Variants in MEGF8 observed in about 807,000 individuals in gnomAD.
MEGF8 encodes the protein multiple epidermal growth factor-like domains protein 8.
Under a neutral mutation model 302.9 loss-of-function variants are expected in MEGF8, and 156 were observed. That is an observed-to-expected ratio of 0.52 (90% CI 0.45 to 0.59). The LOEUF (loss-of-function observed/expected upper bound fraction) is 0.59. Among genes scored for constraint, MEGF8 ranks in the 20% least tolerant of loss-of-function variants. The probability of loss-of-function intolerance (pLI) is 0.00; values close to 1 mark genes in which losing one functional copy is unlikely to be tolerated. For synonymous variants in MEGF8, 1,621 were observed against 1,660.5 expected (o/e 0.98, Z 0.58); for missense variants, 3,345 against 3,964.5 (o/e 0.84, Z 4.20).
chr19:42,347,492 A>AT lies in MEGF8; in HGVS notation c.2098-772dup, dbSNP rs200218580. Among the ~76,000 whole-genome samples the AT allele has an allele frequency of 4.6e-3, 690 of 149,296 alleles. 7 individuals are homozygous for AT. The highest frequency in any genetic ancestry group is 0.016 in the African/African-American group (644 of 40,540). ...ACCACCATGCCTGGCTGTTTTTTGT[A>AT]TTTTTTTTGTTTGTTTTGAGACGGA... On this transcript the variant is annotated intron_variant, in intron 12 of 41. Coordinates refer to ENST00000251268, the MANE Select transcript of MEGF8 (RefSeq NM_001271938.2).
chr19:42,361,280 A>C (rs956810020), intron 32 of MEGF8, among the ~76,000 whole-genome samples: 12 of 152,178 alleles, frequency 7.9e-5, no homozygotes, highest in African/African-American at 2.9e-4. Flanking sequence ...AGTGAGGCTG[A>C]GACCGGAAGC....
At chr19:42,371,588 A>C in intron 41 of MEGF8, 106 bp downstream of exon 41, 1 of 1,490,210 alleles carries the variant, frequency 6.7e-7, no homozygotes, top group Non-Finnish European at 9.1e-7. Flanking sequence ...ATGGTTCCAA[A>C]TCAGTGGTTT....
In MEGF8 at chr19:42,353,874, T is replaced by C. The variant is rs2039412893; in HGVS notation, c.3861T>C (p.Pro1287=). The C allele has an allele frequency of 6.2e-7, 1 of 1,600,224 alleles. No individual in the cohort carries two copies. Among genetic ancestry groups the C allele is most frequent in the African/African-American group, 1.3e-5 (1 of 74,828 alleles). ...CACGCCGGGTCGGGGGGCTGCTGCC[T>C]CCAGGTGGCGGGGCTGCAAGAGCCG... is the stretch of plus-strand genomic sequence containing the variant. ...LGSRRVGGLL[P]PGGGAARAGP... The change falls in exon 22 of 42, where the codon CCT becomes CCC. Residue 1287 remains proline, a synonymous_variant. Transcript: ENST00000251268. This position sits in a 1 kb window ranked among gnomAD's most constrained non-coding sequence, Gnocchi z 6.1.
Position 42,375,550 on chromosome 19 carries a change from G to A in MEGF8, c.7313G>A (p.Gly2438Asp). ...TCATTTCACGGGAGTCCGCTGGGCG[G>A]CCAGCAGTGCTACCGCCTCATCTCG... ...RESFHGSPLGGQQCYRLISVE... is the reference protein window; with the variant it reads ...RESFHGSPLGDQQCYRLISVE... The change falls in exon 42 of 42, where the codon GGC becomes GAC. Residue 2438 changes from glycine to aspartate, a missense_variant. Physicochemically the swap from Gly to Asp is moderately conservative, Grantham distance 94. Transcript: ENST00000251268. The surrounding 1 kb of genome is among the most constrained non-coding windows in gnomAD (Gnocchi z 7.1). 1 of 1,593,396 alleles carries A rather than the reference G, an allele frequency of 6.3e-7. No homozygotes were observed.
rs760506675 is a variant in MEGF8, at chr19:42,336,819, A to G, written c.1257A>G (p.Arg419=). The change falls in exon 7 of 42, where the codon CGA becomes CGG. Residue 419 remains arginine, a synonymous_variant. Coordinates refer to ENST00000251268, the MANE Select transcript of MEGF8 (RefSeq NM_001271938.2). The surrounding 1 kb of genome is among the most constrained non-coding windows in gnomAD (Gnocchi z 4.8). ...TCTCCTTCGGTAGGTTCTCTGTGCGAGTGAACTCCACTGAGCTTTTCCACG... is the reference window on the plus strand; with the variant it reads ...TCTCCTTCGGTAGGTTCTCTGTGCGGGTGAACTCCACTGAGCTTTTCCACG... ...HRPSTARFSV[R]VNSTELFHVD... 20 of 1,595,852 alleles carry G rather than the reference A, an allele frequency of 1.3e-5. No homozygotes were observed. Among genetic ancestry groups the G allele is most frequent in the Non-Finnish European group, 1.7e-5 (20 of 1,170,530 alleles).
At position 42,326,197 on chromosome 19, in the gene MEGF8, GT is replaced by G; in HGVS notation, c.-42del. ...ACCCCGGGTAGAGGGTCCTCTCCAGGTTTTTACGGCCTGTCCCCGCTCTAAG... is the reference window on the plus strand; with the variant it reads ...ACCCCGGGTAGAGGGTCCTCTCCAGGTTTTACGGCCTGTCCCCGCTCTAAG... On this transcript the variant is annotated 5_prime_UTR_variant, in exon 1 of 42. Coordinates refer to ENST00000251268, the MANE Select transcript of MEGF8 (RefSeq NM_001271938.2). 1 of 1,459,252 alleles carries G rather than the reference GT, an allele frequency of 6.9e-7. No individual in the cohort carries two copies. The highest frequency in any genetic ancestry group is 9.0e-7 in the Non-Finnish European group (1 of 1,112,528). The allele number at this position is 1,459,252 out of a possible 1,614,324, so 90.4% of individuals were successfully genotyped here. A position where few individuals can be genotyped will look rare whatever the true frequency, so the allele number is the denominator to read the frequency against.
chr19:42,352,792 C>G lies in MEGF8; in HGVS notation c.3351-136C>G. The G allele has an allele frequency of 1.4e-6, 1 of 693,662 alleles. No individual in the cohort carries two copies. 43.0% of individuals were successfully genotyped at this position (693,662 alleles called of 1,614,324 possible). On this transcript the variant is annotated intron_variant, in intron 19 of 41. Coordinates refer to ENST00000251268, the MANE Select transcript of MEGF8 (RefSeq NM_001271938.2). The surrounding 1 kb of genome is among the most constrained non-coding windows in gnomAD (Gnocchi z 4.4). ...GTGATGCATGGAGTTACCTTGGAGA[C>G]AGGGTCACCCACATAGCCCAAAACC... is the stretch of plus-strand genomic sequence containing the variant.
intron 8 of MEGF8, 105 bp from the exon 9 acceptor site, chr19:42,343,372 C>A: frequency 7.6e-7 from 1 of 1,317,764 alleles, no homozygotes; most frequent in South Asian, 1.6e-5. Flanking sequence ...GTTGAAGCAG[C>A]CACCGGAATA....
Position 42,376,414 on chromosome 19 carries a change from G to A in MEGF8, c.8177G>A (p.Arg2726His), listed in dbSNP as rs554106070. ...KPAGLPPPAF[R>H]RSEPFLAPLL... is the part of the protein sequence containing the mutation. ...GCTGGGCTCCCACCTCCCGCCTTCCGCCGCTCTGAGCCCTTCCTGGCACCC... is the reference window on the plus strand; with the variant it reads ...GCTGGGCTCCCACCTCCCGCCTTCCACCGCTCTGAGCCCTTCCTGGCACCC... Residue 2726 changes from arginine to histidine, a missense_variant, in exon 42 of 42, where the codon CGC becomes CAC. Coordinates refer to ENST00000251268, the MANE Select transcript of MEGF8 (RefSeq NM_001271938.2). The surrounding 1 kb of genome is among the most constrained non-coding windows in gnomAD (Gnocchi z 8.2). The A allele has an allele frequency of 7.2e-5, 116 of 1,612,368 alleles. No homozygotes were observed. The highest frequency in any genetic ancestry group is 8.5e-5 in the Non-Finnish European group (100 of 1,179,608).
At chr19:42,345,749 T>C (rs1358797689) in intron 12 of MEGF8, among the ~76,000 whole-genome samples, 1 of 152,264 alleles carries the variant, frequency 6.6e-6, no homozygotes, top group Non-Finnish European at 1.5e-5. Flanking sequence ...AATGCTGGTA[T>C]GAGCACTTGT....
chr19:42,377,851 GA>G lies in MEGF8; in HGVS notation c.*1077del, dbSNP rs2039789724. On this transcript the variant is annotated 3_prime_UTR_variant, in exon 42 of 42. Transcript: ENST00000251268. ...TGTGGAGAATGGACCGGAGGGACAA[GA>G]GGGGCAGCAGGGATGGTGGGCTGGA... The G allele has an allele frequency of 6.6e-6, 1 of 152,318 alleles. No individual in the cohort carries two copies. Among genetic ancestry groups the G allele is most frequent in the African/African-American group, 2.4e-5 (1 of 41,410 alleles). The allele number at this position is 152,318 out of a possible 1,614,324, so 9.4% of individuals were successfully genotyped here. A position where few individuals can be genotyped will look rare whatever the true frequency, so the allele number is the denominator to read the frequency against.
In MEGF8 at chr19:42,356,739, T is replaced by A; in HGVS notation, c.4623-35T>A. 3 of 1,523,148 alleles carry A rather than the reference T, an allele frequency of 2.0e-6. No homozygotes were observed. In the South Asian group the frequency reaches 3.8e-5, roughly 19 times the overall value. 94.4% of individuals were successfully genotyped at this position (1,523,148 alleles called of 1,614,324 possible). ...TCACCTTGAAGGATGCTGGGATGAC[T>A]GTAATGAGGCTGCTTTTTTGCACCC... On this transcript the variant is annotated intron_variant, in intron 26 of 41. Transcript: ENST00000251268. This position sits in a 1 kb window ranked among gnomAD's most constrained non-coding sequence, Gnocchi z 5.2.
intron 30 of MEGF8, 53 bp from the exon 31 acceptor site, chr19:42,359,045 G>T: frequency 6.5e-7 from 1 of 1,536,720 alleles, no homozygotes; most frequent in Non-Finnish European, 8.8e-7. Context: ...AGAGGGAGCA[G>T]AGGACAGCTC....
Position 42,357,465 on chromosome 19 carries a change from T to C in MEGF8, c.4892T>C (p.Leu1631Pro). ...CACACCCTTACTGCCCGCCGAGGCC[T>C]GTCTCTGCTCCTGGTGGGCGGTTAC... ...AGHTLTARRG[L>P]SLLLVGGYSP... The change falls in exon 28 of 42, where the codon CTG (leucine) becomes CCG (proline). Residue 1631 changes from leucine to proline, a missense_variant. Physicochemically the swap from Leu to Pro is moderately conservative, Grantham distance 98. Coordinates refer to ENST00000251268, the MANE Select transcript of MEGF8 (RefSeq NM_001271938.2). The surrounding 1 kb of genome is among the most constrained non-coding windows in gnomAD (Gnocchi z 5.2). The C allele has an allele frequency of 6.2e-7, 1 of 1,613,806 alleles. No individual in the cohort carries two copies. Among genetic ancestry groups the C allele is most frequent in the Non-Finnish European group, 8.5e-7 (1 of 1,179,808 alleles).
At position 42,368,512 on chromosome 19, in the gene MEGF8, C is replaced by T. The variant is rs1282840036; in HGVS notation, c.6331C>T (p.Leu2111Phe). The T allele has an allele frequency of 2.5e-6, 4 of 1,608,788 alleles. No individual in the cohort carries two copies. Among genetic ancestry groups the T allele is most frequent in the African/African-American group, 2.7e-5 (2 of 74,868 alleles). Residue 2111 changes from leucine (L) to phenylalanine (F), a missense_variant, in exon 36 of 42, where the codon CTC becomes TTC. Physicochemically the swap from Leu to Phe is conservative, Grantham distance 22. Transcript: ENST00000251268. This position sits in a 1 kb window ranked among gnomAD's most constrained non-coding sequence, Gnocchi z 4.9. Reference protein sequence around the residue: ...RCMAGGCGRLLRGPESCSLGC... With the variant: ...RCMAGGCGRLFRGPESCSLGC... ...TATGGCCGGAGGCTGTGGGCGGCTG[C>T]TCCGGGGACCTGAGAGCTGCTCCCT...
chr19:42,346,482 G>T (rs2039290873), intron 12 of MEGF8, among the ~76,000 whole-genome samples: 1 of 151,992 alleles, frequency 6.6e-6, no homozygotes, highest in Admixed American at 6.5e-5. Flanking sequence ...TTTGAGATCA[G>T]CCTGGCCAAC....
At position 42,375,803 on chromosome 19, in the gene MEGF8, T is replaced by A. The variant is rs1265651059; in HGVS notation, c.7566T>A (p.His2522Gln). The A allele has an allele frequency of 6.2e-7, 1 of 1,612,600 alleles. No homozygotes were observed. Among genetic ancestry groups the A allele is most frequent in the Non-Finnish European group, 8.5e-7 (1 of 1,179,788 alleles). ...VVRVAPDTGV[H>Q]TVHIQPPPAP... ...GTGTGGCCCCTGACACTGGCGTCCA[T>A]ACTGTACACATCCAGCCACCCCCAG... is the stretch of plus-strand genomic sequence containing the variant. Residue 2522 changes from histidine to glutamine, a missense_variant, in exon 42 of 42, where the codon CAT (histidine) becomes CAA (glutamine). Physicochemically the swap from His to Gln is conservative, Grantham distance 24. Coordinates refer to ENST00000251268, the MANE Select transcript of MEGF8 (RefSeq NM_001271938.2). The surrounding 1 kb of genome is among the most constrained non-coding windows in gnomAD (Gnocchi z 7.1).
At chr19:42,327,900 G>C (rs2039005976) in intron 1 of MEGF8, among the ~76,000 whole-genome samples, 1 of 152,212 alleles carries the variant, frequency 6.6e-6, no homozygotes. Flanking sequence ...TTTGAGACCA[G>C]CCTGGGCAGT....
rs755116491 is a variant in MEGF8, at chr19:42,352,021, CTA to C, written c.3102-185_3102-184del. On this transcript the variant is annotated intron_variant, in intron 18 of 41. Transcript: ENST00000251268. This position sits in a 1 kb window ranked among gnomAD's most constrained non-coding sequence, Gnocchi z 4.4. ...GCTCTCCCTTTCACTGCATCTCTGT[CTA>C]TGTCTCTCTTCTGTCTTCCAAAATT... Among the ~76,000 whole-genome samples, 78 of 152,162 alleles carry C rather than the reference CTA, an allele frequency of 5.1e-4. No homozygotes were observed. Among genetic ancestry groups the C allele is most frequent in the Non-Finnish European group, 1.1e-3 (72 of 68,030 alleles).
Sources: allele counts gnomAD v4.1 joint callset (sites outside exome capture counted in the v4.1 genomes callset), GRCh38; gene constraint gnomAD v4.1.1; non-coding constraint Gnocchi (gnomAD v3.1); transcripts MANE v1.5; gene names NCBI Gene and HGNC (gene_info 2026-07-23, HGNC 2026-07-21).